Variants in PSIP1 observed in about 807,000 individuals in gnomAD.
PSIP1 encodes the protein PC4 and SRSF1 interacting protein 1.
In PSIP1, 19 loss-of-function variants were observed where a neutral mutation model predicts 74.7. The ratio of observed to expected loss-of-function variants is 0.25; its 90% CI spans 0.18 to 0.37. PSIP1 has a LOEUF of 0.37. Ranked by LOEUF, PSIP1 falls within the 10% of genes least tolerant of loss-of-function variation. The pLI is 1.00. For missense variants in PSIP1, 601 were observed against 614.3 expected, an observed-to-expected ratio of 0.98 and a Z score of 0.23; for synonymous variants, 222 against 195.3, an observed-to-expected ratio of 1.14 and a Z score of -1.14.
At chr9:15,498,234 G>A (rs1411549839) in intron 3 of PSIP1, among the ~76,000 whole-genome samples, 1 of 152,062 alleles carries the variant, frequency 6.6e-6, no homozygotes, top group Non-Finnish European at 1.5e-5. Context: ...TGGCCAAGAC[G>A]GCAAAACCCC....
intron 3 of PSIP1, among the ~76,000 whole-genome samples, chr9:15,494,874 T>C (rs770885780): frequency 2.0e-5 from 3 of 152,182 alleles, no homozygotes; most frequent in Non-Finnish European, 2.9e-5. Context: ...TCTAACAGTA[T>C]AACATTCCTC....
chr9:15,506,700 A>C, intron 2 of PSIP1, 63 bp from the exon 3 acceptor site: 1 of 1,258,074 alleles, frequency 7.9e-7, no homozygotes, highest in Non-Finnish European at 1.1e-6. Flanking sequence ...ATTTATCTGA[A>C]TAAACAAGAG....
chr9:15,470,880 C>G (rs2035794813), intron 10 of PSIP1: 1 of 1,086,746 alleles, frequency 9.2e-7, no homozygotes, highest in Middle Eastern at 4.0e-4. Flanking sequence ...CAACCACCAT[C>G]TTCGTCTGAG....
At chr9:15,494,673 C>T (rs2036994055) in intron 3 of PSIP1, among the ~76,000 whole-genome samples, 1 of 151,394 alleles carries the variant, frequency 6.6e-6, no homozygotes, top group Admixed American at 6.6e-5. Context: ...TTCATTGTAT[C>T]CATGTATTTT....
chr9:15,496,038 C>G (rs2037057205), intron 3 of PSIP1, among the ~76,000 whole-genome samples: 2 of 152,146 alleles, frequency 1.3e-5, no homozygotes, highest in Admixed American at 1.3e-4. Flanking sequence ...GAGACAGAGG[C>G]CAACTATACA....
At chr9:15,510,485 G>A (rs918795721) in intron 1 of PSIP1, among the ~76,000 whole-genome samples, 156 bp from the exon 2 acceptor site, 6 of 152,058 alleles carry the variant, frequency 3.9e-5, no homozygotes, top group African/African-American at 4.8e-5. Flanking sequence ...GCTGGAGCAG[G>A]TCCTCCACCC....
Position 15,465,442 on chromosome 9 carries a change from T to TAA in PSIP1, c.*76_*77dup. On this transcript the variant is annotated 3_prime_UTR_variant, in exon 16 of 16. Transcript: ENST00000380733. Reference sequence around the variant, plus strand: ...CATCAAACCTATGCTTATAAAAATTTAAAACTTTCAGCAGTCTATTTCAAA... The same window carrying TAA: ...CATCAAACCTATGCTTATAAAAATTTAAAAAACTTTCAGCAGTCTATTTCAAA... 7.8e-7 allele frequency: 1 copy of TAA among 1,287,946 alleles called. No homozygotes were observed. The highest frequency in any genetic ancestry group is 2.4e-5 in the East Asian group (1 of 41,912). 79.8% of individuals were successfully genotyped at this position (1,287,946 alleles called of 1,614,324 possible).
At chr9:15,465,645 A>AT in intron 15 of PSIP1, 65 bp from the exon 16 acceptor site, 1 of 1,315,862 alleles carries the variant, frequency 7.6e-7, no homozygotes, top group South Asian at 1.3e-5. Flanking sequence ...AAAAAAAGAC[A>AT]TTAAGTCTGC....
chr9:15,480,167 A>G (rs2036273710), intron 6 of PSIP1, among the ~76,000 whole-genome samples: 1 of 152,242 alleles, frequency 6.6e-6, no homozygotes, highest in Non-Finnish European at 1.5e-5. Flanking sequence ...GATAACTGCT[A>G]GTATGATTCT....
rs116470642 is a variant in PSIP1, at chr9:15,476,200, G to A, written c.630-1963C>T. ...ACAGCATGAATAAGAAATAAACGTT[G>A]TAAAGGCTACTGCTATTTTAGGGTT... On this transcript the variant is annotated intron_variant, in intron 8 of 15. Coordinates refer to ENST00000380733, the MANE Select transcript of PSIP1 (RefSeq NM_033222.5). Among the ~76,000 whole-genome samples the A allele has an allele frequency of 5.7e-3, 862 of 152,274 alleles. 12 individuals are homozygous for A. The highest frequency in any genetic ancestry group is 0.02 in the African/African-American group (832 of 41,544).
At chr9:15,470,805 T>C in intron 10 of PSIP1, 2 of 1,019,942 alleles carry the variant, frequency 2.0e-6, no homozygotes, top group Non-Finnish European at 1.2e-6. Context: ...ATATAACTGC[T>C]ATTCCAGTTT....
intron 3 of PSIP1, among the ~76,000 whole-genome samples, chr9:15,495,190 A>C (rs1012105243): frequency 2.4e-4 from 36 of 152,194 alleles, no homozygotes; most frequent in African/African-American, 8.2e-4. Context: ...GACCTCAAAA[A>C]TAATTACAGG....
intron 4 of PSIP1, 34 bp downstream of exon 4, chr9:15,489,952 T>G (rs2036749026): frequency 6.9e-7 from 1 of 1,457,374 alleles, no homozygotes; most frequent in African/African-American, 1.4e-5. Flanking sequence ...CAGGATTAAA[T>G]AAGTAATATC....
Position 15,510,225 on chromosome 9 carries a change from G to A in PSIP1, c.-37C>T, listed in dbSNP as rs772812580. Reference sequence around the variant, plus strand: ...GAGACCGGGGGTCCGAAGCCCGGGAGGCGGCGAGGAGATGCGGCGGCGCGG... The same window carrying A: ...GAGACCGGGGGTCCGAAGCCCGGGAAGCGGCGAGGAGATGCGGCGGCGCGG... On this transcript the variant is annotated 5_prime_UTR_variant, in exon 2 of 16. Coordinates refer to ENST00000380733, the MANE Select transcript of PSIP1 (RefSeq NM_033222.5). The A allele has an allele frequency of 1.1e-5, 17 of 1,584,746 alleles. No individual in the cohort carries two copies. The highest frequency in any genetic ancestry group is 1.4e-5 in the African/African-American group (1 of 71,976).
intron 8 of PSIP1, among the ~76,000 whole-genome samples, chr9:15,475,516 T>C (rs963617992): frequency 6.6e-6 from 1 of 152,180 alleles, no homozygotes; most frequent in African/African-American, 2.4e-5. Context: ...TCTAACAATG[T>C]ATCCTAACCA....
At chr9:15,486,098 G>A (rs1286788425) in intron 5 of PSIP1, 30 bp from the exon 6 acceptor site, 7 of 1,503,836 alleles carry the variant, frequency 4.7e-6, no homozygotes, top group Non-Finnish European at 6.4e-6. Flanking sequence ...ACTGAATACT[G>A]AATAAATTAT....
chr9:15,497,348 G>A (rs1036391766), intron 3 of PSIP1, among the ~76,000 whole-genome samples: 1 of 92,080 alleles, frequency 1.1e-5, no homozygotes, highest in Non-Finnish European at 1.8e-5. Context: ...TTTTGAGACA[G>A]AGTCTTGCTC....
In PSIP1 at chr9:15,501,866, T is replaced by TATATATATATAA. The variant is rs1491160431; in HGVS notation, c.149+4694_149+4695insTTATATATATAT. Reference sequence around the variant, plus strand: ...ATATATATATATATATATATATATATAAAACGCACACCCTCCCATATACTT... The same window carrying TATATATATATAA: ...ATATATATATATATATATATATATATATATATATATAAAAAACGCACACCCTCCCATATACTT... On this transcript the variant is annotated intron_variant, in intron 3 of 15. Coordinates refer to ENST00000380733, the MANE Select transcript of PSIP1 (RefSeq NM_033222.5). 1.2e-3 allele frequency among the ~76,000 whole-genome samples: 167 copies of TATATATATATAA among 135,646 alleles called. 2 individuals are homozygous for TATATATATATAA. Among genetic ancestry groups the TATATATATATAA allele is most frequent in the Admixed American group, 0.011 (144 of 13,698 alleles). 89.0% of individuals were successfully genotyped at this position (135,646 alleles called of 152,430 possible).
At chr9:15,503,901 C>T (rs976035823) in intron 3 of PSIP1, among the ~76,000 whole-genome samples, 2 of 152,096 alleles carry the variant, frequency 1.3e-5, no homozygotes, top group Non-Finnish European at 2.9e-5. Flanking sequence ...TGCACACTAC[C>T]ATGCCAGGCT....
Sources: allele counts gnomAD v4.1 joint callset (sites outside exome capture counted in the v4.1 genomes callset), GRCh38; gene constraint gnomAD v4.1.1; transcripts MANE v1.5; gene names NCBI Gene and HGNC (gene_info 2026-07-23, HGNC 2026-07-21).